Variants in LGSN observed in about 807,000 individuals in gnomAD.
LGSN encodes lengsin, lens protein with glutamine synthetase domain, also known as lengsin.
A neutral mutation model predicts 19.5 loss-of-function variants in LGSN; 21 were observed. That is an observed-to-expected ratio of 1.07 (90% CI 0.76 to 1.55). The LOEUF (loss-of-function observed/expected upper bound fraction) is 1.55, where lower values mean the gene tolerates loss of function less well. Among genes scored for constraint, LGSN ranks in the 40% most tolerant of loss-of-function variants. The pLI is 0.00. For missense variants in LGSN, 673 were observed against 608.5 expected (o/e 1.11, Z -1.12); for synonymous variants, 257 against 215.6 (o/e 1.19, Z -1.68).
the LGSN span, among the ~76,000 whole-genome samples, chr6:63,463,546 T>C: frequency 3.1e-4 from 47 of 152,328 alleles, no homozygotes; most frequent in African/African-American, 1.1e-3. Flanking sequence ...AGTAATACTT[T>C]ATTTATTTGC....
the LGSN span, chr6:63,570,924 C>T: frequency 6.6e-6 from 1 of 152,056 alleles, no homozygotes; most frequent in Non-Finnish European, 1.5e-5. Flanking sequence ...GACATGAGTT[C>T]CCCAGCCTGC....
the LGSN span, chr6:63,550,215 C>A: frequency 6.6e-6 from 1 of 151,950 alleles, no homozygotes; most frequent in Non-Finnish European, 1.5e-5. Flanking sequence ...AAACAAAATG[C>A]TTCATGAGCC....
the LGSN span, among the ~76,000 whole-genome samples, chr6:63,425,459 C>A: frequency 6.6e-6 from 1 of 152,178 alleles, no homozygotes; most frequent in Non-Finnish European, 1.5e-5. Flanking sequence ...ACTGGACATT[C>A]ATACATGCCA....
At chr6:63,281,819 A>G (rs1767333350) in intron 3 of LGSN, among the ~76,000 whole-genome samples, 1 of 152,222 alleles carries the variant, frequency 6.6e-6, no homozygotes, top group Non-Finnish European at 1.5e-5. Flanking sequence ...AACCCATTTA[A>G]GAATTAAAAA....
the LGSN span, among the ~76,000 whole-genome samples, chr6:63,337,898 T>C: frequency 6.6e-6 from 1 of 152,072 alleles, no homozygotes; most frequent in Non-Finnish European, 1.5e-5. Flanking sequence ...TATTTATTTC[T>C]CTTTTGAGAT....
the LGSN span, among the ~76,000 whole-genome samples, chr6:63,412,872 AAG>A: frequency 7.0e-6 from 1 of 142,760 alleles, no homozygotes; most frequent in South Asian, 2.2e-4. Context: ...GAGTAAGAGA[AAG>A]AGAAAGAAAG....
chr6:63,405,247 A>G, the LGSN span, among the ~76,000 whole-genome samples: 415 of 152,040 alleles, frequency 2.7e-3, 1 homozygote, highest in Middle Eastern at 0.01. Flanking sequence ...GCTATCGTGA[A>G]TAGTGCCACA....
chr6:63,447,709 T>G, the LGSN span, among the ~76,000 whole-genome samples: 39 of 152,290 alleles, frequency 2.6e-4, no homozygotes, highest in Middle Eastern at 6.8e-3. Flanking sequence ...TTCTATTACT[T>G]TGGAAACTAT....
At chr6:63,421,961 A>T in the LGSN span, among the ~76,000 whole-genome samples, 1 of 152,200 alleles carries the variant, frequency 6.6e-6, no homozygotes, top group African/African-American at 2.4e-5. Flanking sequence ...GAACATACAA[A>T]TTCAAGAAGC....
At chr6:63,324,312 G>GT (rs140085106), upstream of LGSN, among the ~76,000 whole-genome samples, 5,038 of 152,232 alleles carry the variant, frequency 0.033, 283 homozygotes, top group African/African-American at 0.12. Context: ...AGGAAACACT[G>GT]TTTTTTAAAG....
At chr6:63,468,554 A>G in the LGSN span, among the ~76,000 whole-genome samples, 3 of 151,592 alleles carry the variant, frequency 2.0e-5, no homozygotes, top group Non-Finnish European at 4.4e-5. Context: ...CAGCCTCCCA[A>G]GTAGCTGGGA....
At chr6:63,366,711 A>G in the LGSN span, among the ~76,000 whole-genome samples, 2 of 152,232 alleles carry the variant, frequency 1.3e-5, no homozygotes, top group Non-Finnish European at 2.9e-5. Context: ...TACAGTAACC[A>G]AAACAGCATG....
the LGSN span, among the ~76,000 whole-genome samples, chr6:63,505,617 G>GAAATAAATAAAT: frequency 1.5e-4 from 15 of 103,376 alleles, 2 homozygotes; most frequent in East Asian, 2.2e-3. Context: ...AAGAAAGAAA[G>GAAATAAATAAAT]AAAGAAAGAA....
chr6:63,291,905 C>T (rs2127386729), intron 2 of LGSN, among the ~76,000 whole-genome samples: 2 of 152,278 alleles, frequency 1.3e-5, no homozygotes, highest in South Asian at 4.1e-4. Flanking sequence ...CTTGGATTAT[C>T]CATCTAAGCC....
the LGSN span, among the ~76,000 whole-genome samples, chr6:63,425,728 T>C: frequency 1.3e-5 from 2 of 151,936 alleles, no homozygotes; most frequent in Non-Finnish European, 2.9e-5. Flanking sequence ...ACCCAGCACT[T>C]TGGGAGGCTG....
chr6:63,309,469 T>C (rs966804520), intron 1 of LGSN, among the ~76,000 whole-genome samples: 4 of 152,196 alleles, frequency 2.6e-5, no homozygotes, highest in African/African-American at 9.6e-5. Flanking sequence ...TTTCCATCTT[T>C]TGTCACCTGG....
chr6:63,516,985 A>G, the LGSN span, among the ~76,000 whole-genome samples: 2 of 152,188 alleles, frequency 1.3e-5, no homozygotes, highest in African/African-American at 2.4e-5. Context: ...GGCAAGAGAA[A>G]TAAACCATTG....
chr6:63,344,301 A>G, the LGSN span, among the ~76,000 whole-genome samples: 1 of 152,250 alleles, frequency 6.6e-6, no homozygotes, highest in Non-Finnish European at 1.5e-5. Flanking sequence ...AGAAAATGTA[A>G]GTTGCTTTTG....
At chr6:63,321,465 T>C (rs1351686193), upstream of LGSN, among the ~76,000 whole-genome samples, 1 of 152,200 alleles carries the variant, frequency 6.6e-6, no homozygotes, top group Non-Finnish European at 1.5e-5. Flanking sequence ...AATTTTCTCC[T>C]GGGAGTTTTA....
Sources: gnomAD v4.1 joint callset for allele counts (sites outside exome capture counted in the v4.1 genomes callset) on GRCh38, gnomAD v4.1.1 for gene constraint, MANE v1.5 for transcripts, NCBI Gene and HGNC (gene_info 2026-07-23, HGNC 2026-07-21) for gene names.